Variants in MIPOL1 observed in about 807,000 individuals in gnomAD.
MIPOL1 encodes mirror-image polydactyly gene 1 protein.
A neutral mutation model predicts 60.9 loss-of-function variants in MIPOL1; 57 were observed. The ratio of observed to expected loss-of-function variants is 0.94; its 90% CI spans 0.76 to 1.17. The LOEUF is 1.17. MIPOL1 is among the 50% of genes most tolerant of loss of function. The pLI, the probability that MIPOL1 is intolerant of heterozygous loss-of-function variation, is 0.00. For missense variants in MIPOL1, 551 were observed against 511.6 expected (o/e 1.08, Z -0.74); for synonymous variants, 179 against 168.8 (o/e 1.06, Z -0.47).
At chr14:37,404,522 A>G (rs1276814857) in intron 10 of MIPOL1, among the ~76,000 whole-genome samples, 1 of 152,202 alleles carries the variant, frequency 6.6e-6, no homozygotes, top group African/African-American at 2.4e-5. Context: ...TATGATAAAT[A>G]AAAGCCTGCA....
At chr14:37,524,569 TC>T (rs374527408) in intron 12 of MIPOL1, among the ~76,000 whole-genome samples, 9,297 of 134,980 alleles carry the variant, frequency 0.069, 977 homozygotes, top group Non-Finnish European at 0.1. Context: ...CTTTTTCTTT[TC>T]TTTTTTTTTT....
At chr14:37,391,742 A>G (rs2093248451) in intron 10 of MIPOL1, among the ~76,000 whole-genome samples, 1 of 152,152 alleles carries the variant, frequency 6.6e-6, no homozygotes, top group African/African-American at 2.4e-5. Flanking sequence ...AAATCCATGT[A>G]GAAATTAAAG....
intron 11 of MIPOL1, among the ~76,000 whole-genome samples, chr14:37,498,055 A>G (rs1193634152): frequency 6.6e-6 from 1 of 152,244 alleles, no homozygotes; most frequent in African/African-American, 2.4e-5. Flanking sequence ...TTTTATAGCA[A>G]TAAAAAGCAA....
chr14:37,531,463 A>AT (rs1330947195), intron 12 of MIPOL1, among the ~76,000 whole-genome samples: 1 of 152,096 alleles, frequency 6.6e-6, no homozygotes, highest in Non-Finnish European at 1.5e-5. Flanking sequence ...ATGAACAAAA[A>AT]ATATATATAT....
intron 3 of MIPOL1, among the ~76,000 whole-genome samples, chr14:37,255,339 C>T (rs1391050424): frequency 6.6e-6 from 1 of 151,676 alleles, no homozygotes; most frequent in African/African-American, 2.4e-5. Context: ...ATTGAAGGCC[C>T]TTTAGAAGGT....
chr14:37,270,895 G>A (rs1321952884), intron 6 of MIPOL1, among the ~76,000 whole-genome samples: 2 of 152,004 alleles, frequency 1.3e-5, no homozygotes, highest in African/African-American at 4.8e-5. Flanking sequence ...AGCTCGTTGA[G>A]AGGAAATACT....
intron 12 of MIPOL1, among the ~76,000 whole-genome samples, chr14:37,546,515 T>C (rs1390918490): frequency 6.6e-6 from 1 of 152,222 alleles, no homozygotes; most frequent in Non-Finnish European, 1.5e-5. Flanking sequence ...ACATTGCTGA[T>C]ATTTGTGTTT....
intron 11 of MIPOL1, among the ~76,000 whole-genome samples, chr14:37,457,477 A>T (rs1175559971): frequency 6.6e-6 from 1 of 152,180 alleles, no homozygotes; most frequent in Non-Finnish European, 1.5e-5. Flanking sequence ...TAGTGAGATG[A>T]GGACACTATC....
At chr14:37,322,098 C>T (rs1025587310) in intron 9 of MIPOL1, among the ~76,000 whole-genome samples, 2 of 151,952 alleles carry the variant, frequency 1.3e-5, no homozygotes, top group Non-Finnish European at 2.9e-5. Flanking sequence ...ATGATGCATT[C>T]ATGTAAATGC....
Position 37,549,549 on chromosome 14 carries a change from T to C in MIPOL1, c.*2578T>C, listed in dbSNP as rs575471756. 11 of 151,986 alleles carry C rather than the reference T, an allele frequency of 7.2e-5. No individual in the cohort carries two copies. The South Asian group carries it at 2.3e-3, about 32-fold the overall frequency. 9.4% of individuals were successfully genotyped at this position (151,986 alleles called of 1,614,324 possible). On this transcript the variant is annotated 3_prime_UTR_variant, in exon 13 of 13. Transcript: ENST00000684589. ...GCTAGGACCTAGAACTAAGATCTTATAACCACACTCCATGCAACTATGAGT... is the reference window on the plus strand; with the variant it reads ...GCTAGGACCTAGAACTAAGATCTTACAACCACACTCCATGCAACTATGAGT...
chr14:37,200,848 CTATGTG>C lies in MIPOL1; in HGVS notation c.-199+2746_-199+2751del, dbSNP rs1195236415. 1.4e-3 allele frequency among the ~76,000 whole-genome samples: 134 copies of C among 94,886 alleles called. 3 individuals are homozygous for C. Among genetic ancestry groups the C allele is most frequent in the African/African-American group, 4.8e-3 (113 of 23,472 alleles). 62.2% of individuals were successfully genotyped at this position (94,886 alleles called of 152,430 possible). A position where few individuals can be genotyped will look rare whatever the true frequency, so the allele number is the denominator to read the frequency against. ...TATAGATCCATAATACTATATCTAT[CTATGTG>C]TGTGTGTGTGTGTGTGTGTGTGTGT... On this transcript the variant is annotated intron_variant, in intron 1 of 12. Transcript: ENST00000684589.
chr14:37,226,728 T>C (rs1683550748), intron 1 of MIPOL1, among the ~76,000 whole-genome samples: 1 of 152,132 alleles, frequency 6.6e-6, no homozygotes, highest in African/African-American at 2.4e-5. Flanking sequence ...TGCTTGAGCC[T>C]GGGAGTTCAA....
At chr14:37,413,808 A>G (rs1015304328) in intron 10 of MIPOL1, among the ~76,000 whole-genome samples, 1 of 152,134 alleles carries the variant, frequency 6.6e-6, no homozygotes, top group African/African-American at 2.4e-5. Context: ...CTTAGTTTAA[A>G]AGGCTTTTTT....
At chr14:37,442,321 A>C (rs1235455840) in intron 11 of MIPOL1, among the ~76,000 whole-genome samples, 3 of 151,956 alleles carry the variant, frequency 2.0e-5, no homozygotes, top group Admixed American at 6.6e-5. Flanking sequence ...CAACAAAGAG[A>C]GATGGTTTGA....
intron 9 of MIPOL1, among the ~76,000 whole-genome samples, chr14:37,365,683 C>G (rs1327735163): frequency 1.3e-5 from 2 of 151,886 alleles, no homozygotes; most frequent in Non-Finnish European, 2.9e-5. Context: ...TTTGATGTGT[C>G]TTGGTCTTGT....
At chr14:37,217,082 T>G (rs762955989) in intron 1 of MIPOL1, among the ~76,000 whole-genome samples, 26 of 152,124 alleles carry the variant, frequency 1.7e-4, no homozygotes, top group Non-Finnish European at 3.2e-4. Context: ...ACATTACAAC[T>G]GATACTGCAG....
chr14:37,418,288 T>C lies in MIPOL1; in HGVS notation c.937-4567T>C, dbSNP rs193132839. 5.1e-4 allele frequency among the ~76,000 whole-genome samples: 78 copies of C among 152,274 alleles called. 1 individual carries two copies. The highest frequency in any genetic ancestry group is 7.2e-4 in the Admixed American group (11 of 15,282). On this transcript the variant is annotated intron_variant, in intron 10 of 12. Transcript: ENST00000684589. ...TTAGTGATGTGAACAGTGTGGTCTT[T>C]TCTTTGTCATTCTGAGTTACTAGAT...
At chr14:37,203,203 A>G (rs747185345) in intron 1 of MIPOL1, among the ~76,000 whole-genome samples, 19 of 152,204 alleles carry the variant, frequency 1.2e-4, no homozygotes, top group Non-Finnish European at 2.1e-4. Context: ...CATTAATTAC[A>G]AAAACAGTTT....
chr14:37,237,347 T>G (rs1971648424), intron 1 of MIPOL1, among the ~76,000 whole-genome samples: 1 of 152,174 alleles, frequency 6.6e-6, no homozygotes, highest in Admixed American at 6.5e-5. Flanking sequence ...AGACTCCCAC[T>G]GCACCAGGTA....
Sources: gnomAD v4.1 joint callset for allele counts (sites outside exome capture counted in the v4.1 genomes callset) on GRCh38, gnomAD v4.1.1 for gene constraint, MANE v1.5 for transcripts, NCBI Gene and HGNC (gene_info 2026-07-23, HGNC 2026-07-21) for gene names.